CSMD1: variants seen among roughly 807,000 people sequenced by gnomAD.
CSMD1 encodes CUB and Sushi multiple domains 1.
CSMD1 carries 213 observed loss-of-function variants against 417.5 expected under a neutral mutation model. That is an observed-to-expected ratio of 0.51 (90% CI 0.46 to 0.57). The LOEUF (loss-of-function observed/expected upper bound fraction) is 0.57. Ranked by LOEUF, CSMD1 falls within the 20% of genes least tolerant of loss-of-function variation. The pLI is 0.00. For missense variants in CSMD1, 6,923 were observed against 4,529.7 expected (o/e 1.53, Z -15.17); for synonymous variants, 2,862 against 1,736.8 (o/e 1.65, Z -16.11).
chr8:3,658,592 G>A (rs531468200), intron 7 of CSMD1, among the ~76,000 whole-genome samples: 1 of 151,766 alleles, frequency 6.6e-6, no homozygotes, highest in African/African-American at 2.4e-5. Context: ...AGACCAGCTT[G>A]GCCAACATGA....
Position 4,486,184 on chromosome 8 carries a change from TATATATATATATATACATAC to T in CSMD1, c.303-66139_303-66120del, listed in dbSNP as rs1563223845. 3.5e-3 allele frequency among the ~76,000 whole-genome samples: 58 copies of T among 16,468 alleles called. 2 individuals carry two copies. The East Asian group carries it at 0.058, about 16-fold the overall frequency. The allele number at this position is 16,468 out of a possible 152,430, so 10.8% of individuals were successfully genotyped here. The stretch of plus-strand genomic sequence containing the variant: ...ATACATATATATATATACATACATA[TATATATATATATATACATAC>T]ATATATATATATATATATATACATA... On this transcript the variant is annotated intron_variant, in intron 2 of 69. Transcript: ENST00000635120.
At chr8:3,221,082 G>T (rs1429244411) in intron 28 of CSMD1, among the ~76,000 whole-genome samples, 3 of 152,112 alleles carry the variant, frequency 2.0e-5, no homozygotes, top group African/African-American at 4.8e-5. Flanking sequence ...GGCTCCACTT[G>T]ATCTGGAGAT....
chr8:3,875,129 T>G (rs533740083), intron 5 of CSMD1, among the ~76,000 whole-genome samples: 1 of 152,044 alleles, frequency 6.6e-6, no homozygotes, highest in East Asian at 1.9e-4. Context: ...ATTGTGGGGT[T>G]TGGAAATTAC....
At chr8:3,998,494 T>C (rs564704518) in intron 4 of CSMD1, among the ~76,000 whole-genome samples, 1 of 152,318 alleles carries the variant, frequency 6.6e-6, no homozygotes, top group South Asian at 2.1e-4. Context: ...TGGGCGTTTA[T>C]TCATGGATAC....
chr8:3,587,825 C>G (rs948371063), intron 8 of CSMD1, among the ~76,000 whole-genome samples: 1 of 152,020 alleles, frequency 6.6e-6, no homozygotes, highest in Non-Finnish European at 1.5e-5. Flanking sequence ...ATTTATCTGT[C>G]TAGGAAGTTC....
chr8:4,372,896 A>G (rs1011426274), intron 3 of CSMD1, among the ~76,000 whole-genome samples: 2 of 152,242 alleles, frequency 1.3e-5, no homozygotes, highest in African/African-American at 4.8e-5. Flanking sequence ...AAGAAGGCAA[A>G]GTGTAACTCC....
rs572721529 is a variant in CSMD1, at chr8:4,185,699, A to AT, written c.416-153601dup. 4.6e-3 allele frequency among the ~76,000 whole-genome samples: 698 copies of AT among 152,336 alleles called. 2 individuals carry two copies. The highest frequency in any genetic ancestry group is 0.014 in the Middle Eastern group (4 of 294). On this transcript the variant is annotated intron_variant, in intron 3 of 69. Coordinates refer to ENST00000635120, the MANE Select transcript of CSMD1 (RefSeq NM_033225.6). Reference sequence around the variant, plus strand: ...CCCAATGAATGTCTAGTTTGAAGACATGTACTGAAATATGTTCGTCAGATA... The same window carrying AT: ...CCCAATGAATGTCTAGTTTGAAGACATTGTACTGAAATATGTTCGTCAGATA...
At chr8:3,508,831 G>C (rs987401733) in intron 10 of CSMD1, among the ~76,000 whole-genome samples, 1 of 152,194 alleles carries the variant, frequency 6.6e-6, no homozygotes, top group African/African-American at 2.4e-5. Context: ...AGACACATCA[G>C]CTGTCACTCT....
chr8:4,093,986 A>ATAGG (rs1800861987), intron 3 of CSMD1, among the ~76,000 whole-genome samples: 1 of 137,012 alleles, frequency 7.3e-6, no homozygotes, highest in African/African-American at 2.6e-5. Flanking sequence ...AGATAGATAG[A>ATAGG]TAGATAGATA....
At chr8:4,670,558 C>T (rs1033039169) in intron 1 of CSMD1, among the ~76,000 whole-genome samples, 2 of 152,064 alleles carry the variant, frequency 1.3e-5, no homozygotes, top group Non-Finnish European at 2.9e-5. Context: ...TGATCGTTAC[C>T]CTTAATATAA....
At chr8:3,859,273 T>C (rs898792571) in intron 5 of CSMD1, among the ~76,000 whole-genome samples, 6 of 152,208 alleles carry the variant, frequency 3.9e-5, no homozygotes, top group Non-Finnish European at 5.9e-5. Flanking sequence ...GGTGAGTCTT[T>C]CTAGTTTTCC....
At chr8:3,020,801 C>G (rs1167417930) in intron 51 of CSMD1, among the ~76,000 whole-genome samples, 2 of 152,200 alleles carry the variant, frequency 1.3e-5, no homozygotes, top group Non-Finnish European at 2.9e-5. Flanking sequence ...GACCAGCACA[C>G]TATTGTTATT....
intron 1 of CSMD1, among the ~76,000 whole-genome samples, chr8:4,850,653 G>A (rs1801417912): frequency 6.6e-6 from 1 of 151,900 alleles, no homozygotes; most frequent in South Asian, 2.1e-4. Context: ...TCAGAACAAA[G>A]TCCTTGCTCC....
chr8:4,467,402 T>C (rs1800247244), intron 2 of CSMD1, among the ~76,000 whole-genome samples: 1 of 152,072 alleles, frequency 6.6e-6, no homozygotes, highest in South Asian at 2.1e-4. Context: ...TCTCCTCCAT[T>C]TTTCTCTTTT....
At chr8:3,429,517 A>G (rs549190620) in intron 12 of CSMD1, among the ~76,000 whole-genome samples, 1 of 152,264 alleles carries the variant, frequency 6.6e-6, no homozygotes, top group Non-Finnish European at 1.5e-5. Context: ...AAAAGGCATG[A>G]AGACACTTTG....
chr8:2,969,256 C>A (rs1383902211), intron 57 of CSMD1, among the ~76,000 whole-genome samples: 1 of 152,122 alleles, frequency 6.6e-6, no homozygotes, highest in Non-Finnish European at 1.5e-5. Context: ...TTATTTTCAT[C>A]ATCATCACTC....
At chr8:4,544,816 A>G (rs1012809381) in intron 2 of CSMD1, among the ~76,000 whole-genome samples, 1 of 152,226 alleles carries the variant, frequency 6.6e-6, no homozygotes, top group Admixed American at 6.5e-5. Flanking sequence ...AGCTACCTGT[A>G]ACACATTAAT....
chr8:3,768,127 G>A (rs969137497), intron 5 of CSMD1, among the ~76,000 whole-genome samples: 1 of 151,288 alleles, frequency 6.6e-6, no homozygotes, highest in African/African-American at 2.4e-5. Context: ...TGTCTTCAAA[G>A]ATAGCAGAGA....
chr8:3,523,546 G>C (rs1563119611), intron 10 of CSMD1, among the ~76,000 whole-genome samples: 1 of 151,814 alleles, frequency 6.6e-6, no homozygotes, highest in Admixed American at 6.6e-5. Context: ...CGCACACCCA[G>C]ACACATGTGC....
Sources: allele counts gnomAD v4.1 joint callset (sites outside exome capture counted in the v4.1 genomes callset), GRCh38; gene constraint gnomAD v4.1.1; transcripts MANE v1.5; gene names NCBI Gene and HGNC (gene_info 2026-07-23, HGNC 2026-07-21).